Variants in BRME1 observed in about 807,000 individuals in gnomAD.
The protein encoded by BRME1 is BRCA2 and MEILB2-associating protein 1.
BRME1 carries 31 observed loss-of-function variants against 52.6 expected under a neutral mutation model. That is an observed-to-expected ratio of 0.59 (90% CI 0.44 to 0.80). The LOEUF (loss-of-function observed/expected upper bound fraction) is 0.80. Ranked by LOEUF, BRME1 falls within the 30% of genes least tolerant of loss-of-function variation. The pLI is 0.00. For missense variants in BRME1, 804 were observed against 860.3 expected (o/e 0.93, Z 0.82); for synonymous variants, 359 against 353.6 (o/e 1.02, Z -0.17).
At chr19:13,904,828 A>G in intron 2 of BRME1, 34 bp downstream of exon 2, 1 of 1,608,764 alleles carries the variant, frequency 6.2e-7, no homozygotes, top group Non-Finnish European at 8.5e-7. Flanking sequence ...AAGCAGAAGC[A>G]GAAATCAACA....
intron 2 of BRME1, among the ~76,000 whole-genome samples, chr19:13,899,315 A>C (rs1970141714): frequency 6.6e-6 from 1 of 151,602 alleles, no homozygotes; most frequent in Non-Finnish European, 1.5e-5. Flanking sequence ...TGCCTGGTTA[A>C]TTTTTTTGTA....
intron 3 of BRME1, 31 bp downstream of exon 3, chr19:13,895,341 G>C (rs1402212448): frequency 6.2e-7 from 1 of 1,600,260 alleles, no homozygotes; most frequent in African/African-American, 1.3e-5. Context: ...TGTCAGTGGG[G>C]AGACCTGCCG....
rs374334719 is a variant in BRME1, at chr19:13,882,841, C to A, written c.1968G>T (p.Gly656=). The change falls in exon 9 of 9, where the codon GGG becomes GGT. Residue 656 remains glycine (G), a synonymous_variant. Transcript: ENST00000586783. ...AGGGTGGGTCCCCTCGAGGGATATTCCCAGGCCCCTTGGAAGGGTAAGGCA... is the reference window on the plus strand; with the variant it reads ...AGGGTGGGTCCCCTCGAGGGATATTACCAGGCCCCTTGGAAGGGTAAGGCA... ...APLPYPSKGP[G]NIPRGDPPWR... is the part of the protein sequence containing the mutation. 4 of 1,613,966 alleles carry A rather than the reference C, an allele frequency of 2.5e-6. No homozygotes were observed. The highest frequency in any genetic ancestry group is 1.3e-5 in the African/African-American group (1 of 74,914).
chr19:13,905,016 C>T (rs1970580676), intron 1 of BRME1, 103 bp from the exon 2 acceptor site: 1 of 921,314 alleles, frequency 1.1e-6, no homozygotes, highest in Non-Finnish European at 1.7e-6. Flanking sequence ...TCCACCTCAG[C>T]CCATTTGGCT....
Position 13,883,724 on chromosome 19 carries a change from T to C in BRME1, c.1764-324A>G, listed in dbSNP as rs1367434366. ...CCTAGCTCAGAGGCAAGCCCTCTCC[T>C]CCCGCAGCTGTGCACCACCTGCCTG... On this transcript the variant is annotated intron_variant, in intron 7 of 8. Transcript: ENST00000586783. The surrounding 1 kb of genome is among the most constrained non-coding windows in gnomAD (Gnocchi z 4.2). The C allele has an allele frequency of 3.3e-6, 1 of 298,986 alleles. No individual in the cohort carries two copies. Among genetic ancestry groups the C allele is most frequent in the Non-Finnish European group, 6.4e-6 (1 of 155,234 alleles). The allele number at this position is 298,986 out of a possible 1,614,324, so 18.5% of individuals were successfully genotyped here.
Position 13,891,400 on chromosome 19 carries a change from C to T in BRME1, c.394-938G>A, listed in dbSNP as rs554061375. 1.2e-4 allele frequency among the ~76,000 whole-genome samples: 18 copies of T among 152,124 alleles called. 1 individual carries two copies. The South Asian group carries it at 3.3e-3, about 28-fold the overall frequency. On this transcript the variant is annotated intron_variant, in intron 5 of 8. Transcript: ENST00000586783. ...CAGACCTCAGGTGATCTGCCCATCT[C>T]GGCCTCCCAAAGTGCTGGGATTAAA...
chr19:13,894,933 C>T (rs1021628982), intron 3 of BRME1, among the ~76,000 whole-genome samples: 1 of 151,974 alleles, frequency 6.6e-6, no homozygotes, highest in East Asian at 1.9e-4. Context: ...CAGGCTGGAG[C>T]GTAGTGGCAT....
Position 13,890,092 on chromosome 19 carries a change from C to A in BRME1, c.764G>T (p.Gly255Val). 6.2e-7 allele frequency: 1 copy of A among 1,613,958 alleles called. No individual in the cohort carries two copies. The highest frequency in any genetic ancestry group is 8.5e-7 in the Non-Finnish European group (1 of 1,179,976). Residue 255 changes from glycine (G) to valine (V), a missense_variant, in exon 6 of 9, where the codon GGA (glycine) becomes GTA (valine). This residue lies in a region of BRME1 where 552 missense variants were observed against 561.1 expected (regional missense o/e 0.98). Coordinates refer to ENST00000586783, the MANE Select transcript of BRME1 (RefSeq NM_001345843.2). ...AGCCCCTGCTGTCCTTTGGGCCCCT[C>A]CCTCCTGGGGGGCTCCTCTGTCTGG... ...EKPDRGAPQE[G>V]GAQRTAGAGL...
rs1406306488 is a variant in BRME1 at position 13,883,459 on chromosome 19, C to T, written c.1764-59G>A. 1.1e-5 allele frequency: 15 copies of T among 1,311,628 alleles called. No individual in the cohort carries two copies. In the East Asian group the frequency reaches 3.8e-4, roughly 33 times the overall value. The allele number at this position is 1,311,628 out of a possible 1,614,324, so 81.2% of individuals were successfully genotyped here. A position where few individuals can be genotyped will look rare whatever the true frequency, so the allele number is the denominator to read the frequency against. On this transcript the variant is annotated intron_variant, in intron 7 of 8. Transcript: ENST00000586783. The surrounding 1 kb of genome is among the most constrained non-coding windows in gnomAD (Gnocchi z 4.2). ...GACCTCACTGGACTACCAGAGCTCT[C>T]CAGTGGGAGGGGCTTCCGCAGGGCC...
In BRME1 at chr19:13,889,738, C is replaced by A. The variant is rs1194538264; in HGVS notation, c.1118G>T (p.Arg373Met). ...ASAISPASPR[R>M]KAADGGHRRA... is the part of the protein sequence containing the mutation. ...CCTGTGGCCTCCATCAGCGGCCTTC[C>A]TCCTGGGAGAGGCAGGTGATATGGC... The change falls in exon 6 of 9, where the codon AGG becomes ATG. Residue 373 changes from arginine (R) to methionine (M), a missense_variant. Transcript: ENST00000586783. 14 of 1,608,882 alleles carry A rather than the reference C, an allele frequency of 8.7e-6. No homozygotes were observed. Among genetic ancestry groups the A allele is most frequent in the African/African-American group, 1.3e-5 (1 of 74,898 alleles).
In BRME1 at chr19:13,882,667, G is replaced by T; in HGVS notation, c.*135C>A. On this transcript the variant is annotated 3_prime_UTR_variant, in exon 9 of 9. Transcript: ENST00000586783. The stretch of plus-strand genomic sequence containing the variant: ...GCCAGGACCTCACGGCCTCCTTTGT[G>T]TTGTCCATGGAAGACCAACTTCCGG... The T allele has an allele frequency of 7.6e-6, 9 of 1,187,896 alleles. No individual in the cohort carries two copies. The highest frequency in any genetic ancestry group is 1.1e-5 in the Non-Finnish European group (9 of 832,470). The allele number at this position is 1,187,896 out of a possible 1,614,324, so 73.6% of individuals were successfully genotyped here.
rs774183720 is a variant in BRME1 at position 13,889,232 on chromosome 19, G to A, written c.1624C>T (p.Gln542Ter). ...ELDFLLDSQIQDALDASDFEA... is the reference protein window; with the variant it reads ...ELDFLLDSQI ...AAGTCAGAGGCGTCCAGGGCATCCT[G>A]TATCTGGCTGTCCAGCAGGAAGTCG... Residue 542 changes from glutamine to a stop codon, truncating the protein, a stop_gained, in exon 6 of 9, where the codon CAG becomes TAG. Coordinates refer to ENST00000586783, the MANE Select transcript of BRME1 (RefSeq NM_001345843.2). LOFTEE classifies it high-confidence loss of function. 5.6e-6 allele frequency: 9 copies of A among 1,612,348 alleles called. No individual in the cohort carries two copies. The Admixed American group carries it at 1.2e-4, about 21-fold the overall frequency.
chr19:13,904,850 G>A lies in BRME1; in HGVS notation c.31+12C>T. The stretch of plus-strand genomic sequence containing the variant: ...AGCAGAAATCAACAAGTGTCCATTT[G>A]AATGAACGTACCTGAGGTCCGCAGC... On this transcript the variant is annotated intron_variant, in intron 2 of 8. Transcript: ENST00000586783. 4 of 1,613,402 alleles carry A rather than the reference G, an allele frequency of 2.5e-6. No homozygotes were observed. The highest frequency in any genetic ancestry group is 3.4e-6 in the Non-Finnish European group (4 of 1,179,496).
At chr19:13,901,663 C>A (rs1970303568) in intron 2 of BRME1, among the ~76,000 whole-genome samples, 1 of 150,388 alleles carries the variant, frequency 6.6e-6, no homozygotes, top group African/African-American at 2.5e-5. Flanking sequence ...CGTGCCACTG[C>A]ACTCCAGCCT....
intron 2 of BRME1, 94 bp from the exon 3 acceptor site, chr19:13,895,640 C>T (rs1969835840): frequency 1.4e-5 from 16 of 1,143,486 alleles, no homozygotes; most frequent in Admixed American, 6.6e-5. Flanking sequence ...CCAGGCTGCA[C>T]GCGAGAAGGG....
rs772507081 is a variant in BRME1 at position 13,890,443 on chromosome 19, C to T, written c.413G>A (p.Ser138Asn). The change falls in exon 6 of 9, where the codon AGC becomes AAC. Residue 138 changes from serine to asparagine, a missense_variant. This residue lies in a region of BRME1 where 234 missense variants were observed against 258.1 expected (regional missense o/e 0.91). Coordinates refer to ENST00000586783, the MANE Select transcript of BRME1 (RefSeq NM_001345843.2). ...CAGCTGGCATCCTGGACTCTGGGCG[C>T]TGGACTCTGCGATTGTTTCCTGTGG... ...AFSLETIAES[S>N]AQSPGCQLLV... The T allele has an allele frequency of 3.3e-6, 5 of 1,502,716 alleles. No homozygotes were observed. Among genetic ancestry groups the T allele is most frequent in the East Asian group, 4.6e-5 (2 of 43,668 alleles). 93.1% of individuals were successfully genotyped at this position (1,502,716 alleles called of 1,614,324 possible).
At position 13,882,682 on chromosome 19, in the gene BRME1, C is replaced by T. The variant is rs1463224323; in HGVS notation, c.*120G>A. ...CCTCCTTTGTGTTGTCCATGGAAGA[C>T]CAACTTCCGGGCAACTGAAGGGAGG... is the stretch of plus-strand genomic sequence containing the variant. On this transcript the variant is annotated 3_prime_UTR_variant, in exon 9 of 9. Transcript: ENST00000586783. 7.3e-7 allele frequency: 1 copy of T among 1,375,852 alleles called. No individual in the cohort carries two copies. The highest frequency in any genetic ancestry group is 1.5e-5 in the African/African-American group (1 of 68,284). The allele number at this position is 1,375,852 out of a possible 1,614,324, so 85.2% of individuals were successfully genotyped here.
At chr19:13,903,166 C>T (rs996804982) in intron 2 of BRME1, among the ~76,000 whole-genome samples, 1 of 152,084 alleles carries the variant, frequency 6.6e-6, no homozygotes, top group African/African-American at 2.4e-5. Flanking sequence ...CAGCAGTGTA[C>T]ATTTGTGTAC....
rs977382691 is a variant in BRME1, at chr19:13,882,531, T to C, written c.*271A>G. 3 of 533,290 alleles carry C rather than the reference T, an allele frequency of 5.6e-6. No homozygotes were observed. The highest frequency in any genetic ancestry group is 4.8e-4 in the Middle Eastern group (1 of 2,098). The allele number at this position is 533,290 out of a possible 1,614,324, so 33.0% of individuals were successfully genotyped here. ...GGACAGGATGGGCCCTGCTCAGAGG[T>C]GGCCAGCTTCCTGGAGCCCAGGCCC... On this transcript the variant is annotated 3_prime_UTR_variant, in exon 9 of 9. Transcript: ENST00000586783.
Sources: allele counts gnomAD v4.1 joint callset (sites outside exome capture counted in the v4.1 genomes callset), GRCh38; gene constraint gnomAD v4.1.1; regional missense constraint gnomAD v4.1.1; non-coding constraint Gnocchi (gnomAD v3.1); transcripts MANE v1.5; gene names NCBI Gene and HGNC (gene_info 2026-07-23, HGNC 2026-07-21).